The following NTM variants were observed in gnomAD, a reference collection of about 807,000 sequenced individuals.
The protein encoded by NTM is IgLON family member 2.
NTM carries 13 observed loss-of-function variants against 42.1 expected under a neutral mutation model. That is an observed-to-expected ratio of 0.31 (90% CI 0.20 to 0.49). The LOEUF is 0.49. NTM is among the 20% of genes least tolerant of loss of function. NTM has a pLI of 0.99. For missense variants in NTM, 373 were observed against 452.8 expected (o/e 0.82, Z 1.60); for synonymous variants, 187 against 179.2 (o/e 1.04, Z -0.35).
intron 1 of NTM, among the ~76,000 whole-genome samples, chr11:131,391,064 C>G (rs780404596): frequency 2.0e-5 from 3 of 152,192 alleles, no homozygotes; most frequent in Non-Finnish European, 2.9e-5. Flanking sequence ...GAAAGGCACA[C>G]TTACTACACG....
chr11:132,275,987 G>A (rs1314118197), intron 4 of NTM, among the ~76,000 whole-genome samples: 6 of 151,266 alleles, frequency 4.0e-5, no homozygotes, highest in Admixed American at 6.6e-5. Context: ...CCCCATCCTC[G>A]CCTCCTGCTT....
chr11:131,429,409 C>T (rs892967136), intron 1 of NTM, among the ~76,000 whole-genome samples: 4 of 152,214 alleles, frequency 2.6e-5, no homozygotes, highest in East Asian at 1.9e-4. Flanking sequence ...CAGGTTGTTG[C>T]GAGAACTCAG....
At chr11:132,133,641 G>T (rs2137111278) in intron 2 of NTM, among the ~76,000 whole-genome samples, 1 of 152,220 alleles carries the variant, frequency 6.6e-6, no homozygotes, top group South Asian at 2.1e-4. Context: ...CTGTTTAGGT[G>T]GATTCCAGCA....
At chr11:131,814,019 ATAT>A (rs1018007644) in intron 1 of NTM, among the ~76,000 whole-genome samples, 4 of 152,238 alleles carry the variant, frequency 2.6e-5, no homozygotes, top group Admixed American at 1.3e-4. Context: ...ATTAATAATA[ATAT>A]TATTATTATC....
intron 1 of NTM, among the ~76,000 whole-genome samples, chr11:131,860,393 A>G (rs1163904709): frequency 6.6e-6 from 1 of 152,146 alleles, no homozygotes; most frequent in Non-Finnish European, 1.5e-5. Flanking sequence ...TTTCCGTCCC[A>G]AGAGGGTCCC....
intron 6 of NTM, among the ~76,000 whole-genome samples, chr11:132,311,583 C>CTT (rs949773940): frequency 6.6e-6 from 1 of 152,144 alleles, no homozygotes; most frequent in Non-Finnish European, 1.5e-5. Flanking sequence ...TGCGTTTCCT[C>CTT]TTCGACCTTC....
intron 2 of NTM, among the ~76,000 whole-genome samples, chr11:131,917,507 C>T (rs1354719747): frequency 6.6e-6 from 1 of 152,196 alleles, no homozygotes; most frequent in Non-Finnish European, 1.5e-5. Context: ...GCTGGGTCAC[C>T]TCCCCACCCA....
At chr11:131,789,936 A>G (rs1483389245) in intron 1 of NTM, among the ~76,000 whole-genome samples, 6 of 140,324 alleles carry the variant, frequency 4.3e-5, no homozygotes, top group African/African-American at 1.1e-4. Context: ...AGCCTGGGCG[A>G]CAGAGCGAGA....
At chr11:131,503,211 T>C (rs2047050672) in intron 1 of NTM, among the ~76,000 whole-genome samples, 1 of 152,222 alleles carries the variant, frequency 6.6e-6, no homozygotes, top group Non-Finnish European at 1.5e-5. Flanking sequence ...GCTGATGTCC[T>C]GTGCCTGGGG....
At chr11:132,123,482 T>C (rs1183300275) in intron 2 of NTM, among the ~76,000 whole-genome samples, 1 of 152,188 alleles carries the variant, frequency 6.6e-6, no homozygotes, top group African/African-American at 2.4e-5. Flanking sequence ...GTGTGGTCCA[T>C]TGCATAGAAC....
At chr11:132,289,780 A>G (rs1217862125) in intron 4 of NTM, among the ~76,000 whole-genome samples, 1 of 152,226 alleles carries the variant, frequency 6.6e-6, no homozygotes, top group African/African-American at 2.4e-5. Flanking sequence ...CACTGCTGCA[A>G]GACTGCAGCG....
chr11:132,106,143 G>T (rs975057361), intron 2 of NTM, among the ~76,000 whole-genome samples: 2 of 152,160 alleles, frequency 1.3e-5, no homozygotes, highest in African/African-American at 4.8e-5. Flanking sequence ...ACATAATATT[G>T]CTTGACCTAC....
intron 2 of NTM, among the ~76,000 whole-genome samples, chr11:132,016,152 A>G (rs191114396): frequency 4.6e-5 from 7 of 151,386 alleles, no homozygotes; most frequent in Non-Finnish European, 8.9e-5. Flanking sequence ...CTTTTTCTGC[A>G]TTATTGAAAT....
chr11:131,505,625 T>A (rs1417934039), intron 1 of NTM, among the ~76,000 whole-genome samples: 1 of 152,166 alleles, frequency 6.6e-6, no homozygotes, highest in East Asian at 1.9e-4. Flanking sequence ...AAAACTGGCT[T>A]CCCAGATATC....
At chr11:131,442,446 T>G (rs2135984780) in intron 1 of NTM, among the ~76,000 whole-genome samples, 1 of 152,190 alleles carries the variant, frequency 6.6e-6, no homozygotes, top group African/African-American at 2.4e-5. Flanking sequence ...AGATTGGGGT[T>G]GTACCCATGC....
chr11:132,263,168 C>A (rs966969347), intron 4 of NTM, among the ~76,000 whole-genome samples: 4 of 152,200 alleles, frequency 2.6e-5, no homozygotes, highest in African/African-American at 9.6e-5. Flanking sequence ...TTCTGCAGGG[C>A]AGGGTTGCAG....
In NTM at chr11:132,334,031, A is replaced by AT. The variant is rs201787086; in HGVS notation, c.968-1014dup. On this transcript the variant is annotated intron_variant, in intron 8 of 8. Transcript: ENST00000683400. ...GACTTAGTGAGGCCACCAGCTTTAA[A>AT]TACCTCTATTAAATTCAATGCAACA... Among the ~76,000 whole-genome samples, 808 of 152,308 alleles carry AT rather than the reference A, an allele frequency of 5.3e-3. 6 individuals carry two copies. Among genetic ancestry groups the AT allele is most frequent in the African/African-American group, 0.019 (777 of 41,554 alleles).
chr11:132,043,448 C>T (rs978897191), intron 2 of NTM, among the ~76,000 whole-genome samples: 19 of 152,332 alleles, frequency 1.2e-4, no homozygotes, highest in Admixed American at 5.2e-4. Flanking sequence ...GCTCATCAAG[C>T]CCCTTCCTGC....
chr11:131,952,512 ACACT>A (rs1451405692), intron 2 of NTM, among the ~76,000 whole-genome samples: 2 of 152,154 alleles, frequency 1.3e-5, no homozygotes, highest in East Asian at 1.9e-4. Context: ...TTTTATTTAC[ACACT>A]CTCTCTCTCA....
Sources: allele counts gnomAD v4.1 joint callset (sites outside exome capture counted in the v4.1 genomes callset), GRCh38; gene constraint gnomAD v4.1.1; transcripts MANE v1.5; gene names NCBI Gene and HGNC (gene_info 2026-07-23, HGNC 2026-07-21).